Variants in ATXN7L1 observed in about 807,000 individuals in gnomAD.
ATXN7L1 encodes ataxin 7 like 1, also known as ataxin-7-like protein 1.
ATXN7L1 carries 15 observed loss-of-function variants against 70.8 expected under a neutral mutation model. The observed-to-expected ratio is 0.21, with a 90% CI of 0.14 to 0.33. ATXN7L1 has a LOEUF of 0.33. Among genes scored for constraint, ATXN7L1 ranks in the 10% least tolerant of loss-of-function variants. ATXN7L1 has a pLI of 1.00. For missense variants in ATXN7L1, 975 were observed against 1,097.1 expected (o/e 0.89, Z 1.57); for synonymous variants, 440 against 445.1 (o/e 0.99, Z 0.14).
At chr7:105,718,145 C>T (rs189253275) in intron 3 of ATXN7L1, among the ~76,000 whole-genome samples, 49 of 152,156 alleles carry the variant, frequency 3.2e-4, no homozygotes, top group African/African-American at 1.2e-3. Context: ...AATAAGAAAA[C>T]ACCACCCATA....
In ATXN7L1 at chr7:105,605,200, T is replaced by C. The variant is rs1792708843; in HGVS notation, c.*2652A>G. On this transcript the variant is annotated 3_prime_UTR_variant, in exon 12 of 12. Transcript: ENST00000419735. Reference sequence around the variant, plus strand: ...CAAGGGGCTGGGAGAGAAGACTGAGTGGGTGTGCAGAACAGAAGGACCCAG... The same window carrying C: ...CAAGGGGCTGGGAGAGAAGACTGAGCGGGTGTGCAGAACAGAAGGACCCAG... 6.6e-6 allele frequency: 1 copy of C among 151,870 alleles called. No individual in the cohort carries two copies. 9.4% of individuals were successfully genotyped at this position (151,870 alleles called of 1,614,324 possible).
In ATXN7L1 at chr7:105,607,847, T is replaced by C. The variant is rs1239316057; in HGVS notation, c.*5A>G. ...AATTGATGTGGAAGTGGCTTCATAG[T>C]CTTGTTATGGAAGAGTCCTTATCCT... On this transcript the variant is annotated 3_prime_UTR_variant, in exon 12 of 12. Transcript: ENST00000419735. 6.4e-7 allele frequency: 1 copy of C among 1,551,524 alleles called. No individual in the cohort carries two copies. Among genetic ancestry groups the C allele is most frequent in the Non-Finnish European group, 8.7e-7 (1 of 1,146,802 alleles).
At chr7:105,706,759 G>C (rs1327975121) in intron 3 of ATXN7L1, among the ~76,000 whole-genome samples, 1 of 152,212 alleles carries the variant, frequency 6.6e-6, no homozygotes, top group Admixed American at 6.5e-5. Flanking sequence ...GACCTGAGCA[G>C]AGCTATAGCT....
intron 3 of ATXN7L1, among the ~76,000 whole-genome samples, chr7:105,668,649 T>C (rs1163291061): frequency 6.6e-6 from 1 of 152,186 alleles, no homozygotes; most frequent in Admixed American, 6.5e-5. Context: ...GTTGAACTCC[T>C]GGCCTCAAGT....
At chr7:105,790,415 C>T (rs114433262) in intron 2 of ATXN7L1, among the ~76,000 whole-genome samples, 14 of 151,892 alleles carry the variant, frequency 9.2e-5, no homozygotes, top group East Asian at 3.9e-4. Flanking sequence ...CCCATCTCTA[C>T]GAAAAATGTA....
chr7:105,863,373 C>G (rs1816923078), intron 2 of ATXN7L1, among the ~76,000 whole-genome samples: 1 of 152,202 alleles, frequency 6.6e-6, no homozygotes, highest in Non-Finnish European at 1.5e-5. Flanking sequence ...CTTACACAGT[C>G]AAGGGGGAAT....
intron 3 of ATXN7L1, among the ~76,000 whole-genome samples, chr7:105,727,631 T>C (rs1466865992): frequency 5.6e-5 from 8 of 143,156 alleles, no homozygotes; most frequent in Non-Finnish European, 7.5e-5. Flanking sequence ...ATAGTGCCAT[T>C]GCACTCCAGC....
chr7:105,753,642 A>G (rs1405198814), intron 3 of ATXN7L1, among the ~76,000 whole-genome samples: 2 of 150,376 alleles, frequency 1.3e-5, no homozygotes, highest in African/African-American at 2.5e-5. Flanking sequence ...ATTACAGCAG[A>G]CAGCTGAAGA....
At chr7:105,817,366 G>C (rs1447611552) in intron 2 of ATXN7L1, among the ~76,000 whole-genome samples, 1 of 152,140 alleles carries the variant, frequency 6.6e-6, no homozygotes, top group African/African-American at 2.4e-5. Flanking sequence ...TTTTTCTTCT[G>C]ATTATATTAA....
chr7:105,732,424 G>C (rs931253792), intron 3 of ATXN7L1, among the ~76,000 whole-genome samples: 3 of 152,060 alleles, frequency 2.0e-5, no homozygotes, highest in Admixed American at 2.0e-4. Context: ...ATAAACCTAA[G>C]TACAGATTAC....
At chr7:105,851,511 C>G (rs1035361464) in intron 2 of ATXN7L1, among the ~76,000 whole-genome samples, 2 of 152,168 alleles carry the variant, frequency 1.3e-5, no homozygotes, top group Non-Finnish European at 2.9e-5. Flanking sequence ...AAGTGGCTGT[C>G]CCCAGCCCTT....
At chr7:105,771,504 T>G (rs1802006398) in intron 3 of ATXN7L1, among the ~76,000 whole-genome samples, 1 of 152,302 alleles carries the variant, frequency 6.6e-6, no homozygotes, top group African/African-American at 2.4e-5. Flanking sequence ...AGAGAGATTA[T>G]GAGCTGTGAA....
intron 3 of ATXN7L1, among the ~76,000 whole-genome samples, chr7:105,727,795 TA>T (rs1342866231): frequency 9.6e-6 from 1 of 104,334 alleles, no homozygotes; most frequent in Non-Finnish European, 1.8e-5. Context: ...CATACACACA[TA>T]TATATATGTA....
chr7:105,690,358 C>T (rs1790613354), intron 3 of ATXN7L1, among the ~76,000 whole-genome samples: 1 of 152,188 alleles, frequency 6.6e-6, no homozygotes, highest in Non-Finnish European at 1.5e-5. Context: ...GAAAGCCTCT[C>T]TTGGCAGCAC....
At chr7:105,723,181 G>C (rs1042579474) in intron 3 of ATXN7L1, among the ~76,000 whole-genome samples, 11 of 152,178 alleles carry the variant, frequency 7.2e-5, no homozygotes, top group African/African-American at 2.7e-4. Context: ...AAGAGGGCTC[G>C]GGGTTAGACA....
intron 3 of ATXN7L1, among the ~76,000 whole-genome samples, chr7:105,722,185 G>A (rs1163319894): frequency 6.6e-6 from 1 of 152,158 alleles, no homozygotes; most frequent in Non-Finnish European, 1.5e-5. Flanking sequence ...ACATCATGAA[G>A]ACAGGCTGAG....
In ATXN7L1 at chr7:105,713,872, G is replaced by C. The variant is rs186117781; in HGVS notation, c.356-48584C>G. Among the ~76,000 whole-genome samples the C allele has an allele frequency of 1.6e-4, 24 of 152,352 alleles. No individual in the cohort carries two copies. The East Asian group carries it at 4.4e-3, about 28-fold the overall frequency. ...AGATGCCCATTAGCCCTTCTGCCCA[G>C]AGGTACATGAGGGCTCTGAGCACCT... On this transcript the variant is annotated intron_variant, in intron 3 of 11. Transcript: ENST00000419735.
At chr7:105,640,000 G>A (rs1797939510) in intron 5 of ATXN7L1, among the ~76,000 whole-genome samples, 1 of 152,184 alleles carries the variant, frequency 6.6e-6, no homozygotes, top group Admixed American at 6.5e-5. Flanking sequence ...CCCTTTCCTG[G>A]GCTGCTCCAA....
intron 3 of ATXN7L1, among the ~76,000 whole-genome samples, chr7:105,766,780 C>T (rs2116427460): frequency 6.6e-6 from 1 of 152,286 alleles, no homozygotes; most frequent in South Asian, 2.1e-4. Context: ...CAAAAGATGA[C>T]AAATTGCTTC....
Sources: gnomAD v4.1 joint callset for allele counts (sites outside exome capture counted in the v4.1 genomes callset) on GRCh38, gnomAD v4.1.1 for gene constraint, MANE v1.5 for transcripts, NCBI Gene and HGNC (gene_info 2026-07-23, HGNC 2026-07-21) for gene names.